EPB41L1: variants seen among roughly 807,000 people sequenced by gnomAD.
EPB41L1 encodes the protein erythrocyte membrane protein band 4.1 like 1.
A neutral mutation model predicts 97.8 loss-of-function variants in EPB41L1; 29 were observed. That is an observed-to-expected ratio of 0.30 (90% confidence interval 0.22 to 0.40). The LOEUF is 0.40. Ranked by LOEUF, EPB41L1 falls within the 10% of genes least tolerant of loss-of-function variation. The pLI, the probability that EPB41L1 is intolerant of heterozygous loss-of-function variation, is 1.00. For missense variants in EPB41L1, 812 were observed against 1,162.3 expected (o/e 0.70, Z 4.38); for synonymous variants, 383 against 459.2 (o/e 0.83, Z 2.12).
intron 5 of EPB41L1, among the ~76,000 whole-genome samples, chr20:36,180,022 G>GTGGC (rs2061413890): frequency 6.6e-6 from 1 of 152,204 alleles, no homozygotes. Flanking sequence ...GGAAAGACAG[G>GTGGC]TGGCTGGACC....
intron 14 of EPB41L1, chr20:36,205,766 C>A: frequency 8.3e-7 from 1 of 1,198,056 alleles, no homozygotes; most frequent in Non-Finnish European, 1.1e-6. Flanking sequence ...TAGATTGGTC[C>A]CCTCTTACAA....
chr20:36,104,775 C>G (rs753999868), intron 1 of EPB41L1, among the ~76,000 whole-genome samples: 9 of 152,178 alleles, frequency 5.9e-5, no homozygotes, highest in Admixed American at 5.9e-4. Context: ...GAATCCACCT[C>G]CCTCATGCCA....
chr20:36,161,074 C>T (rs1399620942), intron 1 of EPB41L1, among the ~76,000 whole-genome samples: 1 of 152,242 alleles, frequency 6.6e-6, no homozygotes, highest in Non-Finnish European at 1.5e-5. Flanking sequence ...CTTCTCCCTT[C>T]TCCTGTTCCC....
Position 36,178,074 on chromosome 20 carries a change from C to A in EPB41L1, c.447+18C>A. ...GCCAGAAGGTACCTGGGCTAGGGAG[C>A]AGGGTGGGACCTGCTCTTCCGTTAG... On this transcript the variant is annotated intron_variant, in intron 4 of 21. Transcript: ENST00000338074. 1 of 1,589,386 alleles carries A rather than the reference C, an allele frequency of 6.3e-7. No individual in the cohort carries two copies. Among genetic ancestry groups the A allele is most frequent in the Non-Finnish European group, 8.6e-7 (1 of 1,157,750 alleles).
At chr20:36,105,364 C>T (rs1013359925) in intron 1 of EPB41L1, among the ~76,000 whole-genome samples, 1 of 152,164 alleles carries the variant, frequency 6.6e-6, no homozygotes, top group Non-Finnish European at 1.5e-5. Flanking sequence ...GGGTGGCAGC[C>T]ATTCCAGTTC....
At chr20:36,145,339 G>A (rs370833068) in intron 2 of EPB41L1, among the ~76,000 whole-genome samples, 7 of 148,932 alleles carry the variant, frequency 4.7e-5, no homozygotes, top group African/African-American at 1.7e-4. Context: ...GCAGTGAGCT[G>A]AGATTGCGAT....
At chr20:36,144,673 A>G (rs1045405880) in intron 2 of EPB41L1, among the ~76,000 whole-genome samples, 12 of 152,174 alleles carry the variant, frequency 7.9e-5, no homozygotes, top group African/African-American at 2.9e-4. Flanking sequence ...GCCTGGGAAT[A>G]TTATATGATG....
At chr20:36,223,818 A>G (rs539459081) in intron 21 of EPB41L1, among the ~76,000 whole-genome samples, 3 of 152,318 alleles carry the variant, frequency 2.0e-5, no homozygotes, top group Admixed American at 6.5e-5. Context: ...GGGTATATAC[A>G]TATAAACACA....
chr20:36,206,113 G>A lies in EPB41L1; in HGVS notation c.1669-3375G>A, dbSNP rs1345192106. 7.8e-7 allele frequency: 1 copy of A among 1,289,910 alleles called. No homozygotes were observed. The highest frequency in any genetic ancestry group is 1.0e-6 in the Non-Finnish European group (1 of 988,890). The allele number at this position is 1,289,910 out of a possible 1,614,324, so 79.9% of individuals were successfully genotyped here. A position where few individuals can be genotyped will look rare whatever the true frequency, so the allele number is the denominator to read the frequency against. On this transcript the variant is annotated intron_variant, in intron 14 of 21. Transcript: ENST00000338074. The surrounding 1 kb of genome is among the most constrained non-coding windows in gnomAD (Gnocchi z 5.5). ...TCCTGAAGACTTTGAGTCAGTGGGG[G>A]AGGAAGGCCCCTGGATCAGGGAAAG...
At chr20:36,208,847 T>TG (rs1468080291) in intron 14 of EPB41L1, among the ~76,000 whole-genome samples, 9 of 152,186 alleles carry the variant, frequency 5.9e-5, no homozygotes, top group Non-Finnish European at 1.2e-4. Flanking sequence ...GACTTGCCTG[T>TG]GGTCCACTCA....
At chr20:36,194,020 C>T (rs2146432953) in intron 11 of EPB41L1, among the ~76,000 whole-genome samples, 192 bp from the exon 12 acceptor site, 1 of 152,280 alleles carries the variant, frequency 6.6e-6, no homozygotes, top group South Asian at 2.1e-4. Context: ...GGAAGGAGTC[C>T]TGGGCTGGGA....
rs2062847708 is a variant in EPB41L1 at position 36,206,879 on chromosome 20, C to T, written c.1669-2609C>T. 6 of 1,289,814 alleles carry T rather than the reference C, an allele frequency of 4.7e-6. No homozygotes were observed. The highest frequency in any genetic ancestry group is 2.3e-5 in the Admixed American group (1 of 43,558). 79.9% of individuals were successfully genotyped at this position (1,289,814 alleles called of 1,614,324 possible). A position where few individuals can be genotyped will look rare whatever the true frequency, so the allele number is the denominator to read the frequency against. On this transcript the variant is annotated intron_variant, in intron 14 of 21. Transcript: ENST00000338074. The surrounding 1 kb of genome is among the most constrained non-coding windows in gnomAD (Gnocchi z 5.5). ...CCCACAGAGGAACTGAAGAAGCACC[C>T]TCCTCACAGAGGACAGGGCGTGCAT...
At chr20:36,200,819 C>T (rs1425995058) in intron 14 of EPB41L1, 2 of 452,578 alleles carry the variant, frequency 4.4e-6, no homozygotes, top group African/African-American at 2.0e-5. Flanking sequence ...GTCTCTGTCT[C>T]TCCTTCCCTT....
intron 2 of EPB41L1, among the ~76,000 whole-genome samples, chr20:36,149,529 G>A (rs897414849): frequency 1.4e-4 from 21 of 152,292 alleles, no homozygotes; most frequent in Non-Finnish European, 2.4e-4. Context: ...GAGGGGGGAG[G>A]TCCCTGCAAG....
chr20:36,127,695 G>A (rs2059027613), intron 2 of EPB41L1, among the ~76,000 whole-genome samples: 1 of 152,108 alleles, frequency 6.6e-6, no homozygotes, highest in Non-Finnish European at 1.5e-5. Flanking sequence ...AAAAATGAAG[G>A]CATTGGGCTA....
At chr20:36,177,823 C>T (rs903969999) in intron 3 of EPB41L1, 129 bp from the exon 4 acceptor site, 11 of 750,708 alleles carry the variant, frequency 1.5e-5, no homozygotes, top group Non-Finnish European at 2.1e-5. Flanking sequence ...GTGGCAGGAG[C>T]GCTGCATTCC....
At chr20:36,176,297 T>C (rs1033732364) in intron 3 of EPB41L1, among the ~76,000 whole-genome samples, 2 of 152,228 alleles carry the variant, frequency 1.3e-5, no homozygotes, top group Non-Finnish European at 2.9e-5. Flanking sequence ...AGATGCCTCC[T>C]TCTGGGTTTG....
chr20:36,188,581 AACACAC>A (rs55990020), intron 9 of EPB41L1, 82 bp downstream of exon 9: 11,005 of 464,646 alleles, frequency 0.024, 648 homozygotes, highest in African/African-American at 0.036. Flanking sequence ...CTGGACTGCC[AACACAC>A]ACACACACAC....
At chr20:36,228,969 C>G (rs780789314) in intron 21 of EPB41L1, among the ~76,000 whole-genome samples, 1 of 151,966 alleles carries the variant, frequency 6.6e-6, no homozygotes, top group Non-Finnish European at 1.5e-5. Context: ...TGGAAACAAG[C>G]GAGCAAACAC....
Sources: gnomAD v4.1 joint callset for allele counts (sites outside exome capture counted in the v4.1 genomes callset) on GRCh38, gnomAD v4.1.1 for gene constraint, Gnocchi (gnomAD v3.1) non-coding constraint, MANE v1.5 for transcripts, NCBI Gene and HGNC (gene_info 2026-07-23, HGNC 2026-07-21) for gene names.